GATAD2A: variants seen among roughly 807,000 people sequenced by gnomAD.
GATAD2A encodes the protein transcriptional repressor p66-alpha.
Under a neutral mutation model 68.5 loss-of-function variants are expected in GATAD2A, and 12 were observed. That is an observed-to-expected ratio of 0.18 (90% confidence interval 0.11 to 0.28). GATAD2A has a LOEUF of 0.28. Among genes scored for constraint, GATAD2A ranks in the 10% least tolerant of loss-of-function variants. The pLI is 1.00. For synonymous variants in GATAD2A, 410 were observed against 375.3 expected, an observed-to-expected ratio of 1.09 and a Z score of -1.07; for missense variants, 755 against 868.5, an observed-to-expected ratio of 0.87 and a Z score of 1.64.
chr19:19,505,225 C>A, intron 11 of GATAD2A, 119 bp from the exon 12 acceptor site: 1 of 929,984 alleles, frequency 1.1e-6, no homozygotes, highest in Non-Finnish European at 1.6e-6. Context: ...GGTGGGTTTG[C>A]AAGGGCTCCT....
intron 5 of GATAD2A, 110 bp from the exon 6 acceptor site, chr19:19,495,644 A>C (rs2060094893): frequency 5.0e-6 from 5 of 1,008,806 alleles, no homozygotes; most frequent in South Asian, 2.0e-5. Context: ...TAAAAAAAAA[A>C]AAAAAAAAAA....
At chr19:19,487,010 T>G (rs541512487) in intron 2 of GATAD2A, among the ~76,000 whole-genome samples, 5 of 152,318 alleles carry the variant, frequency 3.3e-5, no homozygotes, top group African/African-American at 1.2e-4. Context: ...GGGTGGCCAG[T>G]GAGCTCCAGG....
At chr19:19,500,964 C>T (rs774255178) in intron 8 of GATAD2A, among the ~76,000 whole-genome samples, 154 bp from the exon 9 acceptor site, 2 of 152,216 alleles carry the variant, frequency 1.3e-5, no homozygotes, top group African/African-American at 2.4e-5. Flanking sequence ...CGGCGTTGGC[C>T]GGCCCCATGT....
chr19:19,494,786 C>G (rs1288979953), intron 5 of GATAD2A, among the ~76,000 whole-genome samples: 2 of 152,204 alleles, frequency 1.3e-5, no homozygotes, highest in Non-Finnish European at 2.9e-5. Flanking sequence ...GCCCCTCCCT[C>G]TCAAACAGGC....
intron 1 of GATAD2A, among the ~76,000 whole-genome samples, chr19:19,435,562 A>G (rs1176049877): frequency 6.6e-6 from 1 of 151,528 alleles, no homozygotes; most frequent in African/African-American, 2.4e-5. Context: ...TATAATAAAA[A>G]CCCTGGGCTG....
intron 7 of GATAD2A, among the ~76,000 whole-genome samples, chr19:19,497,182 A>G (rs1006745733): frequency 1.3e-5 from 2 of 151,952 alleles, no homozygotes; most frequent in South Asian, 2.1e-4. Context: ...GCTCACTGCA[A>G]CCTCCATCTC....
chr19:19,399,806 T>C (rs1470503802), intron 1 of GATAD2A, among the ~76,000 whole-genome samples: 1 of 152,132 alleles, frequency 6.6e-6, no homozygotes, highest in Non-Finnish European at 1.5e-5. Context: ...GAGGAATGTT[T>C]TCCTAAGTTG....
Position 19,494,354 on chromosome 19 carries a change from A to T in GATAD2A, c.595A>T (p.Asn199Tyr). ...TCCCCCGCTTGTTCGGGGCACTCAGAACATTCCTGCTGGCAAGCCATCACT... is the reference window on the plus strand; with the variant it reads ...TCCCCCGCTTGTTCGGGGCACTCAGTACATTCCTGCTGGCAAGCCATCACT... ...TPPPLVRGTQ[N>Y]IPAGKPSLQT... Residue 199 changes from asparagine (N) to tyrosine (Y), a missense_variant, in exon 5 of 12, where the codon AAC (asparagine) becomes TAC (tyrosine). By Grantham distance (143) the Asn-to-Tyr change is moderately radical. Transcript: ENST00000683918. 6.2e-7 allele frequency: 1 copy of T among 1,612,200 alleles called. No homozygotes were observed. The highest frequency in any genetic ancestry group is 8.5e-7 in the Non-Finnish European group (1 of 1,178,342).
chr19:19,456,299 C>T (rs1050871205), intron 1 of GATAD2A, among the ~76,000 whole-genome samples: 3 of 152,156 alleles, frequency 2.0e-5, no homozygotes, highest in African/African-American at 7.2e-5. Flanking sequence ...CAAGTCCCCT[C>T]GGGGTCCCGC....
intron 8 of GATAD2A, among the ~76,000 whole-genome samples, chr19:19,500,500 A>G (rs757820932): frequency 1.3e-5 from 2 of 152,106 alleles, no homozygotes; most frequent in African/African-American, 2.4e-5. Context: ...GCCCGAGCAC[A>G]TGCTTCATGT....
chr19:19,465,297 A>G (rs2057782031), intron 1 of GATAD2A, 43 bp from the exon 2 acceptor site: 4 of 1,494,604 alleles, frequency 2.7e-6, no homozygotes, highest in Admixed American at 1.7e-5. Flanking sequence ...TGGCACCTTC[A>G]TTGCACCCAG....
intron 1 of GATAD2A, among the ~76,000 whole-genome samples, chr19:19,456,232 T>C (rs774568815): frequency 6.6e-6 from 1 of 151,188 alleles, no homozygotes; most frequent in Non-Finnish European, 1.5e-5. Context: ...ACCAGTTTAA[T>C]ATAGTAGAGC....
At chr19:19,485,308 G>A (rs10412787) in intron 2 of GATAD2A, among the ~76,000 whole-genome samples, 11,531 of 152,304 alleles carry the variant, frequency 0.076, 1,502 homozygotes, top group African/African-American at 0.26. Flanking sequence ...AGGTATTGAC[G>A]TTTTTCAGTC....
intron 1 of GATAD2A, chr19:19,457,083 C>T (rs2057001589): frequency 2.5e-5 from 25 of 985,276 alleles, no homozygotes; most frequent in Non-Finnish European, 3.0e-5. Flanking sequence ...AGTCCTTCAA[C>T]TCAGAGCACT....
At chr19:19,446,070 T>A (rs902733978) in intron 1 of GATAD2A, among the ~76,000 whole-genome samples, 1 of 152,218 alleles carries the variant, frequency 6.6e-6, no homozygotes, top group Admixed American at 6.5e-5. Context: ...TGTTTTACTT[T>A]CCACTGTTTT....
Position 19,420,005 on chromosome 19 carries a change from C to CTTTTTTTTTT in GATAD2A, c.-7+14000_-7+14009dup, listed in dbSNP as rs397859927. On this transcript the variant is annotated intron_variant, in intron 1 of 11. Coordinates refer to ENST00000683918, the MANE Select transcript of GATAD2A (RefSeq NM_001384528.1). ...GTGTGACCTTGGGCAACCATCTTGA[C>CTTTTTTTTTT]TTTTTTTTTTTTTTTTTTTTTTTGA... Among the ~76,000 whole-genome samples the CTTTTTTTTTT allele has an allele frequency of 1.0e-4, 7 of 68,696 alleles. 1 individual carries two copies. The highest frequency in any genetic ancestry group is 4.2e-4 in the East Asian group (1 of 2,396). 45.1% of individuals were successfully genotyped at this position (68,696 alleles called of 152,430 possible).
At chr19:19,485,300 G>A (rs1200709089) in intron 2 of GATAD2A, among the ~76,000 whole-genome samples, 2 of 152,238 alleles carry the variant, frequency 1.3e-5, no homozygotes, top group Admixed American at 6.5e-5. Flanking sequence ...AAGCAGCGAG[G>A]TATTGACGTT....
At chr19:19,483,665 A>G (rs1337044423) in intron 2 of GATAD2A, among the ~76,000 whole-genome samples, 4 of 151,374 alleles carry the variant, frequency 2.6e-5, no homozygotes, top group Non-Finnish European at 2.9e-5. Flanking sequence ...TCCAGCATGG[A>G]GTGCAGTGGC....
intron 1 of GATAD2A, among the ~76,000 whole-genome samples, chr19:19,449,479 A>G (rs2056131263): frequency 6.6e-6 from 1 of 152,114 alleles, no homozygotes; most frequent in South Asian, 2.1e-4. Flanking sequence ...CACACATGCC[A>G]CGAGACCTGG....
Sources: allele counts gnomAD v4.1 joint callset (sites outside exome capture counted in the v4.1 genomes callset), GRCh38; gene constraint gnomAD v4.1.1; transcripts MANE v1.5; gene names NCBI Gene and HGNC (gene_info 2026-07-23, HGNC 2026-07-21).